BRINP1: variants seen among roughly 807,000 people sequenced by gnomAD.
The protein encoded by BRINP1 is BMP/retinoic acid-inducible neural-specific protein 1.
BRINP1 carries 17 observed loss-of-function variants against 72.9 expected under a neutral mutation model. The ratio of observed to expected loss-of-function variants is 0.23; its 90% confidence interval spans 0.16 to 0.35. The LOEUF (loss-of-function observed/expected upper bound fraction) is 0.35. Ranked by LOEUF, BRINP1 falls within the 10% of genes least tolerant of loss-of-function variation. The pLI, the probability that BRINP1 is intolerant of heterozygous loss-of-function variation, is 1.00. For missense variants in BRINP1, 850 were observed against 1,001.6 expected (o/e 0.85, Z 2.04); for synonymous variants, 418 against 378.5 (o/e 1.10, Z -1.21).
chr9:119,302,680 G>C (rs1830950930), intron 2 of BRINP1, among the ~76,000 whole-genome samples: 1 of 152,028 alleles, frequency 6.6e-6, no homozygotes, highest in Non-Finnish European at 1.5e-5. Flanking sequence ...CATTACTTAT[G>C]GTGAATTACT....
At position 119,214,169 on chromosome 9, in the gene BRINP1, G is replaced by C. The variant is rs1341097365; in HGVS notation, c.686-14C>G. On this transcript the variant is annotated splice_polypyrimidine_tract_variant and intron_variant, in intron 5 of 7. Coordinates refer to ENST00000265922, the MANE Select transcript of BRINP1 (RefSeq NM_014618.3). ...TTATCTGAAGACCTGTGTGAGAATAGCAAGAAGGGAAAACAGAAAGGTTTA... is the reference window on the plus strand; with the variant it reads ...TTATCTGAAGACCTGTGTGAGAATACCAAGAAGGGAAAACAGAAAGGTTTA... The C allele has an allele frequency of 5.7e-6, 9 of 1,577,598 alleles. No homozygotes were observed. Among genetic ancestry groups the C allele is most frequent in the Middle Eastern group, 3.3e-4 (2 of 5,972 alleles).
At chr9:119,175,953 C>T (rs920403538) in intron 7 of BRINP1, among the ~76,000 whole-genome samples, 1 of 152,192 alleles carries the variant, frequency 6.6e-6, no homozygotes, top group African/African-American at 2.4e-5. Flanking sequence ...CTGGCTCCTC[C>T]ACCTGCAAGC....
At chr9:119,192,280 A>G (rs2118851542) in intron 7 of BRINP1, among the ~76,000 whole-genome samples, 1 of 152,192 alleles carries the variant, frequency 6.6e-6, no homozygotes, top group Admixed American at 6.5e-5. Context: ...GCTTCTTCAC[A>G]GCAAAGGAAA....
chr9:119,246,750 A>C (rs952469255), intron 3 of BRINP1, among the ~76,000 whole-genome samples: 1 of 152,154 alleles, frequency 6.6e-6, no homozygotes, highest in Non-Finnish European at 1.5e-5. Context: ...CTCTTAAAAA[A>C]CATGTTTTCC....
intron 2 of BRINP1, among the ~76,000 whole-genome samples, chr9:119,281,271 T>C (rs139174020): frequency 1.8e-3 from 267 of 152,276 alleles, no homozygotes; most frequent in African/African-American, 6.2e-3. Context: ...AGCTCTTCAT[T>C]TGTCATTTGG....
At chr9:119,314,240 A>G (rs1831101962) in intron 1 of BRINP1, among the ~76,000 whole-genome samples, 1 of 152,216 alleles carries the variant, frequency 6.6e-6, no homozygotes, top group African/African-American at 2.4e-5. Context: ...CTTATGGCAC[A>G]GTGGTGCTGC....
rs763501219 is a variant in BRINP1, at chr9:119,167,305, A to G, written c.2065T>C (p.Ser689Pro). Reference sequence around the variant, plus strand: ...AACAAGAGGAGCATCACTGACGAAGAGGAATAGAACTGGCCGCCCTGTGTG... The same window carrying G: ...AACAAGAGGAGCATCACTGACGAAGGGGAATAGAACTGGCCGCCCTGTGTG... Reference protein sequence around the residue: ...SYTQGGQFYSSSSVMLLLLDI... With the variant: ...SYTQGGQFYSPSSVMLLLLDI... The change falls in exon 8 of 8, where the codon TCT becomes CCT. Residue 689 changes from serine to proline, a missense_variant. Transcript: ENST00000265922. This position sits in a 1 kb window ranked among gnomAD's most constrained non-coding sequence, Gnocchi z 4.3. 3.7e-6 allele frequency: 6 copies of G among 1,614,000 alleles called. No individual in the cohort carries two copies. The highest frequency in any genetic ancestry group is 5.1e-6 in the Non-Finnish European group (6 of 1,180,026).
chr9:119,292,147 A>G (rs1417344614), intron 2 of BRINP1, among the ~76,000 whole-genome samples: 1 of 152,168 alleles, frequency 6.6e-6, no homozygotes, highest in Non-Finnish European at 1.5e-5. Context: ...ATGGGAAAGC[A>G]AAGGCCCACA....
chr9:119,300,652 C>A (rs142945191), intron 2 of BRINP1, among the ~76,000 whole-genome samples: 9 of 152,308 alleles, frequency 5.9e-5, no homozygotes, highest in Middle Eastern at 3.4e-3. Context: ...ATCTCTGCTT[C>A]TTTTCATAGC....
intron 7 of BRINP1, among the ~76,000 whole-genome samples, chr9:119,174,780 T>G (rs917893357): frequency 6.6e-6 from 1 of 151,814 alleles, no homozygotes; most frequent in Non-Finnish European, 1.5e-5. Flanking sequence ...TGGAATACTA[T>G]GCATCCATAA....
At chr9:119,219,697 A>AGAGAGAGAGAGAGAG (rs1830019199) in intron 5 of BRINP1, among the ~76,000 whole-genome samples, 3 of 96,398 alleles carry the variant, frequency 3.1e-5, no homozygotes, top group African/African-American at 1.1e-4. Context: ...GAGAGAGAGA[A>AGAGAGAGAGAGAGAG]AGAGATGTAA....
chr9:119,179,647 T>G (rs988679417), intron 7 of BRINP1, among the ~76,000 whole-genome samples: 2 of 152,164 alleles, frequency 1.3e-5, no homozygotes, highest in Non-Finnish European at 2.9e-5. Flanking sequence ...TAGGATTCCC[T>G]TGTGATTTTT....
intron 2 of BRINP1, among the ~76,000 whole-genome samples, chr9:119,250,574 T>C (rs1830376970): frequency 6.6e-6 from 1 of 152,258 alleles, no homozygotes; most frequent in African/African-American, 2.4e-5. Context: ...AAGGTGCTAA[T>C]TTAATGTGAA....
intron 5 of BRINP1, among the ~76,000 whole-genome samples, chr9:119,228,254 A>G (rs1830113243): frequency 6.6e-6 from 1 of 151,714 alleles, no homozygotes; most frequent in Non-Finnish European, 1.5e-5. Context: ...AGCACCAATT[A>G]TATTCAAAAA....
At chr9:119,280,183 T>A (rs895686303) in intron 2 of BRINP1, among the ~76,000 whole-genome samples, 2 of 152,080 alleles carry the variant, frequency 1.3e-5, no homozygotes, top group Admixed American at 6.6e-5. Flanking sequence ...CAATAACATA[T>A]AAAGAAAAGA....
At chr9:119,304,628 G>A (rs1159871931) in intron 2 of BRINP1, among the ~76,000 whole-genome samples, 1 of 152,226 alleles carries the variant, frequency 6.6e-6, no homozygotes, top group East Asian at 1.9e-4. Context: ...TCCAGTAGCT[G>A]TAGAACTCTA....
intron 5 of BRINP1, among the ~76,000 whole-genome samples, chr9:119,231,918 T>A (rs779903966): frequency 3.3e-5 from 5 of 152,144 alleles, no homozygotes; most frequent in Non-Finnish European, 7.4e-5. Flanking sequence ...CAATCTCAGA[T>A]AATTAAATAG....
rs1416269702 is a variant in BRINP1 at position 119,242,137 on chromosome 9, A to G, written c.489T>C (p.Ala163=). The G allele has an allele frequency of 6.2e-7, 1 of 1,614,028 alleles. No homozygotes were observed. Among genetic ancestry groups the G allele is most frequent in the African/African-American group, 1.3e-5 (1 of 74,926 alleles). The stretch of plus-strand genomic sequence containing the variant: ...AGTAGGATGATGCGAGCTGGTGCAG[A>G]GCTTCAACACTTTGAGTGGCATTCC... ...KSGNATQSVE[A]LHQLASSYFV... The change falls in exon 4 of 8, where the codon GCT becomes GCC. Residue 163 remains alanine (A), a synonymous_variant. Transcript: ENST00000265922.
In BRINP1 at chr9:119,167,297, TGAC is replaced by T; in HGVS notation, c.2070_2072del (p.Ser691del). ...GAATATCCAACAAGAGGAGCATCAC[TGAC>T]GAAGAGGAATAGAACTGGCCGCCCT... On this transcript the variant is annotated inframe_deletion, in exon 8 of 8. Coordinates refer to ENST00000265922, the MANE Select transcript of BRINP1 (RefSeq NM_014618.3). This position sits in a 1 kb window ranked among gnomAD's most constrained non-coding sequence, Gnocchi z 4.3. The T allele has an allele frequency of 1.9e-6, 3 of 1,614,004 alleles. No homozygotes were observed. Among genetic ancestry groups the T allele is most frequent in the Non-Finnish European group, 2.5e-6 (3 of 1,180,004 alleles).
Sources: gnomAD v4.1 joint callset for allele counts (sites outside exome capture counted in the v4.1 genomes callset) on GRCh38, gnomAD v4.1.1 for gene constraint, Gnocchi (gnomAD v3.1) non-coding constraint, MANE v1.5 for transcripts, NCBI Gene and HGNC (gene_info 2026-07-23, HGNC 2026-07-21) for gene names.